The following GGA3 variants were observed in gnomAD, a reference collection of about 807,000 sequenced individuals.
GGA3 encodes the protein ADP-ribosylation factor-binding protein GGA3.
Under a neutral mutation model 77.5 loss-of-function variants are expected in GGA3, and 57 were observed. That is an observed-to-expected ratio of 0.74 (90% CI 0.59 to 0.92). The LOEUF (loss-of-function observed/expected upper bound fraction) is 0.92. Among genes scored for constraint, GGA3 ranks in the 40% least tolerant of loss-of-function variants. The pLI is 0.00. For synonymous variants in GGA3, 416 were observed against 383.7 expected (o/e 1.08, Z -0.98); for missense variants, 970 against 914.9 (o/e 1.06, Z -0.78).
At chr17:75,262,082 C>A, upstream of GGA3, 2 of 1,388,700 alleles carry the variant, frequency 1.4e-6, no homozygotes, top group South Asian at 1.2e-5. Context: ...GCCCTGGGGG[C>A]CGGAGTATCT....
chr17:75,240,154 G>GGGGGGCC, intron 12 of GGA3, 46 bp from the exon 13 acceptor site: 1 of 465,512 alleles, frequency 2.1e-6, no homozygotes, highest in East Asian at 5.6e-5. Flanking sequence ...GGTGGGGAGG[G>GGGGGGCC]CCTGCCGCTG....
At chr17:75,248,822 A>AAAC in intron 1 of GGA3, 1 of 815,780 alleles carries the variant, frequency 1.2e-6, no homozygotes. Flanking sequence ...AAAACAAAAC[A>AAAC]AAAAAAAAAA....
At chr17:75,247,407 T>C (rs1387666283) in intron 1 of GGA3, among the ~76,000 whole-genome samples, 1 of 151,942 alleles carries the variant, frequency 6.6e-6, no homozygotes, top group Non-Finnish European at 1.5e-5. Context: ...GGACTACAGG[T>C]GCATACCACC....
chr17:75,239,501 G>A lies in GGA3; in HGVS notation c.1654C>T (p.Pro552Ser). Residue 552 changes from proline to serine, a missense_variant, in exon 14 of 17, where the codon CCC becomes TCC. Transcript: ENST00000537686. ...GGGCTGCCGGGCCCCGTGGAGAAGG[G>A]CAGGAGGGGCCTGGCTGGGGTGGTG... Reference protein sequence around the residue: ...PTTTPARPLLPFSTGPGSPLF... With the variant: ...PTTTPARPLLSFSTGPGSPLF... 6.3e-7 allele frequency: 1 copy of A among 1,577,946 alleles called. No homozygotes were observed. Among genetic ancestry groups the A allele is most frequent in the Non-Finnish European group, 8.6e-7 (1 of 1,166,712 alleles).
chr17:75,244,016 G>C (rs2076667962), intron 4 of GGA3, among the ~76,000 whole-genome samples: 1 of 152,130 alleles, frequency 6.6e-6, no homozygotes, highest in Non-Finnish European at 1.5e-5. Context: ...GGGACATCAA[G>C]ACAGAGAGGC....
At chr17:75,247,513 T>C (rs1316628107) in intron 1 of GGA3, among the ~76,000 whole-genome samples, 2 of 152,162 alleles carry the variant, frequency 1.3e-5, no homozygotes, top group Admixed American at 6.5e-5. Context: ...CGGCCCGCCT[T>C]GGCCTCCCAA....
chr17:75,261,927 C>T (rs777267916), upstream of GGA3: 27 of 1,609,048 alleles, frequency 1.7e-5, no homozygotes, highest in South Asian at 2.9e-4. Flanking sequence ...TGAAGGTTGC[C>T]CGAGGATGGT....
chr17:75,245,193 T>C (rs2145523220), intron 3 of GGA3, among the ~76,000 whole-genome samples: 1 of 152,318 alleles, frequency 6.6e-6, no homozygotes. Flanking sequence ...TCCCTCCGCT[T>C]ATCTCCCTAA....
chr17:75,246,448 G>A (rs771021565), intron 3 of GGA3, 61 bp downstream of exon 3: 49 of 1,105,512 alleles, frequency 4.4e-5, no homozygotes, highest in Admixed American at 2.0e-4. Flanking sequence ...ATGGGGACAC[G>A]AGGAATGGCG....
rs1206903449 is a variant in GGA3 at position 75,239,835 on chromosome 17, G to A, written c.1537C>T (p.Leu513=). ...TGATCGAGGGCATCCAGGTGGTGCA[G>A]CGCGCTGTTGCCCAACGCCAAGCCA... The part of the protein sequence containing the change: ...HHGLALGNSA[L]HHLDALDQLL... Residue 513 remains leucine (L), a synonymous_variant, in exon 13 of 17, where the codon CTG becomes TTG. Coordinates refer to ENST00000537686, the MANE Select transcript of GGA3 (RefSeq NM_138619.4). 1 of 1,613,988 alleles carries A rather than the reference G, an allele frequency of 6.2e-7. No individual in the cohort carries two copies. Among genetic ancestry groups the A allele is most frequent in the Non-Finnish European group, 8.5e-7 (1 of 1,180,042 alleles).
intron 1 of GGA3, among the ~76,000 whole-genome samples, chr17:75,260,693 AAGG>A (rs2145619768): frequency 6.6e-6 from 1 of 152,318 alleles, no homozygotes; most frequent in South Asian, 2.1e-4. Context: ...TCTCCACTTA[AAGG>A]AGGCTTCCAG....
chr17:75,261,360 C>T (rs1207216453), intron 1 of GGA3, among the ~76,000 whole-genome samples, 188 bp downstream of exon 1: 1 of 152,226 alleles, frequency 6.6e-6, no homozygotes, highest in Non-Finnish European at 1.5e-5. Flanking sequence ...GCGAGGGAAG[C>T]GGGGGCCGGA....
At position 75,248,735 on chromosome 17, in the gene GGA3, G is replaced by A. The variant is rs377465926; in HGVS notation, c.41-1939C>T. On this transcript the variant is annotated intron_variant, in intron 1 of 16. Transcript: ENST00000537686. ...TGGGAGGCAGAGGTTGCCTTGAGCCGAGATCGTGCCATTGCACTCCAGCCT... is the reference window on the plus strand; with the variant it reads ...TGGGAGGCAGAGGTTGCCTTGAGCCAAGATCGTGCCATTGCACTCCAGCCT... 3.1e-5 allele frequency: 15 copies of A among 477,992 alleles called. No homozygotes were observed. In the East Asian group the frequency reaches 7.7e-4, roughly 24 times the overall value. 29.6% of individuals were successfully genotyped at this position (477,992 alleles called of 1,614,324 possible). A position where few individuals can be genotyped will look rare whatever the true frequency, so the allele number is the denominator to read the frequency against.
chr17:75,248,402 T>G (rs1455174382), intron 1 of GGA3, among the ~76,000 whole-genome samples: 3 of 110,614 alleles, frequency 2.7e-5, no homozygotes, highest in Non-Finnish European at 3.5e-5. Context: ...ACCCGGGGGG[T>G]GGAGTCTGCA....
intron 8 of GGA3, chr17:75,241,944 A>G: frequency 1.8e-6 from 1 of 571,152 alleles, no homozygotes; most frequent in Non-Finnish European, 3.1e-6. Flanking sequence ...CCTGCCTTCC[A>G]GGCTGGCATG....
upstream of GGA3, chr17:75,261,946 G>T (rs1213440774): frequency 1.2e-6 from 2 of 1,608,536 alleles, no homozygotes; most frequent in African/African-American, 2.7e-5. Flanking sequence ...GTCGGGCCTG[G>T]CGTTGGGCGT....
chr17:75,259,365 AAAG>A (rs1419391855), intron 1 of GGA3, among the ~76,000 whole-genome samples: 1 of 152,194 alleles, frequency 6.6e-6, no homozygotes, highest in Non-Finnish European at 1.5e-5. Flanking sequence ...GTGGGACTTG[AAAG>A]AAGACTGAAG....
intron 1 of GGA3, among the ~76,000 whole-genome samples, chr17:75,253,930 C>T (rs1488169948): frequency 3.3e-5 from 5 of 152,156 alleles, no homozygotes; most frequent in East Asian, 1.9e-4. Flanking sequence ...TCTGCAACAC[C>T]GCTTGGCCCC....
rs774535643 is a variant in GGA3 at position 75,242,433 on chromosome 17, G to A, written c.650C>T (p.Thr217Met). 14 of 1,614,006 alleles carry A rather than the reference G, an allele frequency of 8.7e-6. No homozygotes were observed. The highest frequency in any genetic ancestry group is 1.6e-4 in the Middle Eastern group (1 of 6,084). Residue 217 changes from threonine (T) to methionine (M), a missense_variant, in exon 8 of 17, where the codon ACG becomes ATG. Coordinates refer to ENST00000537686, the MANE Select transcript of GGA3 (RefSeq NM_138619.4). ...CACGTTGTTGTTAACTTCCTCTAAC[G>A]TGTGCAGACGCTTGGTCACCTTCTG... ...RIQKVTKRLH[T>M]LEEVNNNVRL...
Sources: allele counts gnomAD v4.1 joint callset (sites outside exome capture counted in the v4.1 genomes callset), GRCh38; gene constraint gnomAD v4.1.1; transcripts MANE v1.5; gene names NCBI Gene and HGNC (gene_info 2026-07-23, HGNC 2026-07-21).